SH3RF3: variants seen among roughly 807,000 people sequenced by gnomAD.
SH3RF3 encodes SH3 domain containing ring finger 3, also known as E3 ubiquitin-protein ligase SH3RF3.
Under a neutral mutation model 66.3 loss-of-function variants are expected in SH3RF3, and 29 were observed. The ratio of observed to expected loss-of-function variants is 0.44; its 90% confidence interval spans 0.33 to 0.60. SH3RF3 has a LOEUF of 0.60. SH3RF3 is among the 20% of genes least tolerant of loss of function. SH3RF3 has a pLI of 0.04. For missense variants in SH3RF3, 1,194 were observed against 1,190.9 expected (o/e 1.00, Z -0.04); for synonymous variants, 583 against 532.0 (o/e 1.10, Z -1.32).
At chr2:109,215,564 C>T (rs901832424) in intron 1 of SH3RF3, among the ~76,000 whole-genome samples, 1 of 152,122 alleles carries the variant, frequency 6.6e-6, no homozygotes, top group Non-Finnish European at 1.5e-5. Context: ...GAGCCCCTGT[C>T]TGATGTAGTT....
At chr2:109,458,549 A>G (rs1356395520) in intron 8 of SH3RF3, among the ~76,000 whole-genome samples, 4 of 150,750 alleles carry the variant, frequency 2.7e-5, no homozygotes, top group African/African-American at 7.4e-5. Context: ...AGGGATCTCC[A>G]GAGAAACAGA....
At chr2:109,206,271 A>G (rs978904657) in intron 1 of SH3RF3, among the ~76,000 whole-genome samples, 1 of 152,034 alleles carries the variant, frequency 6.6e-6, no homozygotes, top group Non-Finnish European at 1.5e-5. Context: ...TGGGCAGATC[A>G]TGAGGTCAGG....
chr2:109,407,864 G>A lies in SH3RF3; in HGVS notation c.1299+8921G>A, dbSNP rs535172693. ...CCTTTAAGTGGGGACAGAGGACACC[G>A]TGGCTGCCTGTGACCTGGCGTCCTG... On this transcript the variant is annotated intron_variant, in intron 4 of 9. Transcript: ENST00000309415. Among the ~76,000 whole-genome samples, 11 of 152,296 alleles carry A rather than the reference G, an allele frequency of 7.2e-5. No individual in the cohort carries two copies. In the South Asian group the frequency reaches 1.4e-3, roughly 20 times the overall value.
chr2:109,297,892 G>A (rs1281908280), intron 1 of SH3RF3, among the ~76,000 whole-genome samples: 1 of 151,916 alleles, frequency 6.6e-6, no homozygotes, highest in Non-Finnish European at 1.5e-5. Flanking sequence ...ATGGGTCAGT[G>A]CCCACAACCA....
intron 1 of SH3RF3, among the ~76,000 whole-genome samples, chr2:109,329,950 G>A (rs1682247983): frequency 6.6e-6 from 1 of 152,176 alleles, no homozygotes; most frequent in African/African-American, 2.4e-5. Context: ...TCTTCAATGG[G>A]TTCTTGGACC....
At chr2:109,221,204 A>C (rs1051593576) in intron 1 of SH3RF3, among the ~76,000 whole-genome samples, 4 of 152,198 alleles carry the variant, frequency 2.6e-5, no homozygotes, top group African/African-American at 9.7e-5. Context: ...AGTCTTCCAC[A>C]TCCTAGTCAG....
At chr2:109,432,732 C>T in intron 6 of SH3RF3, 61 bp downstream of exon 6, 1 of 1,541,424 alleles carries the variant, frequency 6.5e-7, no homozygotes, top group African/African-American at 1.4e-5. Flanking sequence ...CGCCTTACCG[C>T]TGTTGTTACT....
intron 1 of SH3RF3, among the ~76,000 whole-genome samples, chr2:109,247,339 C>T (rs1017608340): frequency 1.7e-4 from 26 of 152,174 alleles, no homozygotes; most frequent in African/African-American, 6.0e-4. Context: ...GCAGCCCCTC[C>T]CTGAACTTCG....
chr2:109,442,612 A>G (rs1013023728), intron 7 of SH3RF3, among the ~76,000 whole-genome samples: 4 of 152,206 alleles, frequency 2.6e-5, no homozygotes, highest in Admixed American at 6.5e-5. Context: ...AGTTTGGTAT[A>G]CTACTGTAAC....
At chr2:109,447,166 AAAG>A (rs1677731951) in intron 7 of SH3RF3, among the ~76,000 whole-genome samples, 2 of 149,892 alleles carry the variant, frequency 1.3e-5, no homozygotes, top group Non-Finnish European at 3.0e-5. Flanking sequence ...AAAAAAAAAA[AAAG>A]AAAAGAAAAA....
chr2:109,232,620 T>A lies in SH3RF3; in HGVS notation c.573+102507T>A, dbSNP rs115043466. On this transcript the variant is annotated intron_variant, in intron 1 of 9. Coordinates refer to ENST00000309415, the MANE Select transcript of SH3RF3 (RefSeq NM_001099289.3). ...AGTCTCTGCCCCTCCTTCTACCCTG[T>A]CCATCCCTTCTTTCTGGAAAGGGGT... Among the ~76,000 whole-genome samples, 402 of 152,278 alleles carry A rather than the reference T, an allele frequency of 2.6e-3. 2 individuals are homozygous for A. Among genetic ancestry groups the A allele is most frequent in the African/African-American group, 9.3e-3 (386 of 41,552 alleles).
intron 3 of SH3RF3, among the ~76,000 whole-genome samples, chr2:109,384,744 C>A (rs73955567): frequency 1.3e-5 from 2 of 152,070 alleles, no homozygotes; most frequent in African/African-American, 2.4e-5. Context: ...GTGGAGGGAG[C>A]CTTCTAGACT....
At chr2:109,294,507 G>C (rs898996718) in intron 1 of SH3RF3, among the ~76,000 whole-genome samples, 2 of 149,550 alleles carry the variant, frequency 1.3e-5, no homozygotes, top group Admixed American at 6.7e-5. Flanking sequence ...GTTGCAGTGA[G>C]CCAAGATCAC....
At chr2:109,442,990 A>C (rs991098432) in intron 7 of SH3RF3, among the ~76,000 whole-genome samples, 5 of 152,254 alleles carry the variant, frequency 3.3e-5, no homozygotes, top group Non-Finnish European at 7.3e-5. Context: ...TCAAGTCTAA[A>C]GACATAAATA....
intron 3 of SH3RF3, among the ~76,000 whole-genome samples, chr2:109,391,042 A>G (rs1216272150): frequency 6.6e-6 from 1 of 152,218 alleles, no homozygotes; most frequent in Non-Finnish European, 1.5e-5. Flanking sequence ...TCATGGGACC[A>G]GCCTGCACCT....
At chr2:109,225,470 G>A (rs541342176) in intron 1 of SH3RF3, among the ~76,000 whole-genome samples, 2 of 152,180 alleles carry the variant, frequency 1.3e-5, no homozygotes, top group African/African-American at 2.4e-5. Context: ...AGGCCAGGCC[G>A]ACTCCCCACT....
chr2:109,359,919 G>A (rs114663524), intron 2 of SH3RF3, among the ~76,000 whole-genome samples: 2,851 of 152,212 alleles, frequency 0.019, 65 homozygotes, highest in African/African-American at 0.055. Flanking sequence ...GGTTCTCCAC[G>A]TGAAAAGAGA....
At chr2:109,317,202 C>T (rs1046759160) in intron 1 of SH3RF3, among the ~76,000 whole-genome samples, 4 of 132,338 alleles carry the variant, frequency 3.0e-5, no homozygotes, top group Admixed American at 2.2e-4. Flanking sequence ...TTGGGGTTTT[C>T]GGGACCCCAG....
Position 109,501,640 on chromosome 2 carries a change from T to A in SH3RF3, c.2618T>A (p.Leu873His). ...GTLQRNGRTG[L>H]FPGSFVESF The stretch of plus-strand genomic sequence containing the variant: ...CTGCAGCGGAACGGCCGCACAGGCC[T>A]CTTCCCGGGCAGCTTCGTCGAGAGC... Residue 873 changes from leucine (L) to histidine (H), a missense_variant, in exon 10 of 10, where the codon CTC (leucine) becomes CAC (histidine). Leu to His is a moderately conservative substitution (Grantham distance 99). Transcript: ENST00000309415. 1 of 775,988 alleles carries A rather than the reference T, an allele frequency of 1.3e-6. No homozygotes were observed. The highest frequency in any genetic ancestry group is 2.4e-5 in the East Asian group (1 of 41,050). 48.1% of individuals were successfully genotyped at this position (775,988 alleles called of 1,614,324 possible). A position where few individuals can be genotyped will look rare whatever the true frequency, so the allele number is the denominator to read the frequency against.
Sources: allele counts gnomAD v4.1 joint callset (sites outside exome capture counted in the v4.1 genomes callset), GRCh38; gene constraint gnomAD v4.1.1; transcripts MANE v1.5; gene names NCBI Gene and HGNC (gene_info 2026-07-23, HGNC 2026-07-21).